RAP1GDS1: variants seen among roughly 807,000 people sequenced by gnomAD.
RAP1GDS1 encodes the protein Rap1 GTPase-GDP dissociation stimulator 1, also known as RAP1, GTP-GDP dissociation stimulator 1.
RAP1GDS1 carries 35 observed loss-of-function variants against 71.1 expected under a neutral mutation model. The observed-to-expected ratio is 0.49, with a 90% CI of 0.38 to 0.65. The LOEUF is 0.65. Among genes scored for constraint, RAP1GDS1 ranks in the 30% least tolerant of loss-of-function variants. RAP1GDS1 has a pLI of 0.00. For missense variants in RAP1GDS1, 663 were observed against 706.1 expected (o/e 0.94, Z 0.69); for synonymous variants, 229 against 243.1 (o/e 0.94, Z 0.54).
intron 13 of RAP1GDS1, among the ~76,000 whole-genome samples, chr4:98,436,469 T>G (rs1751150692): frequency 6.6e-6 from 1 of 152,184 alleles, no homozygotes; most frequent in Non-Finnish European, 1.5e-5. Flanking sequence ...CTACAGAAAA[T>G]CTTGCTAGGA....
At chr4:98,365,822 GCTCT>G (rs1246367302) in intron 4 of RAP1GDS1, among the ~76,000 whole-genome samples, 2 of 152,094 alleles carry the variant, frequency 1.3e-5, no homozygotes, top group African/African-American at 4.8e-5. Context: ...CAGTTTAGTA[GCTCT>G]CTAACAAAAT....
intron 2 of RAP1GDS1, among the ~76,000 whole-genome samples, chr4:98,330,296 G>A (rs543143697): frequency 9.5e-4 from 144 of 152,276 alleles, no homozygotes; most frequent in African/African-American, 3.3e-3. Context: ...CGACAAAACC[G>A]GTATCGTCAT....
At chr4:98,300,064 G>T (rs960902087) in intron 2 of RAP1GDS1, among the ~76,000 whole-genome samples, 1 of 152,170 alleles carries the variant, frequency 6.6e-6, no homozygotes, top group African/African-American at 2.4e-5. Context: ...TTTTAAAGAA[G>T]TTCTATAGGT....
At chr4:98,417,538 A>G (rs370876930) in intron 9 of RAP1GDS1, 40 bp downstream of exon 9, 11 of 1,583,674 alleles carry the variant, frequency 6.9e-6, no homozygotes, top group South Asian at 3.4e-5. Context: ...CAAATACTCT[A>G]TATTTGTTTA....
chr4:98,290,980 G>A (rs1280917683), intron 1 of RAP1GDS1, among the ~76,000 whole-genome samples: 1 of 152,110 alleles, frequency 6.6e-6, no homozygotes, highest in Non-Finnish European at 1.5e-5. Flanking sequence ...ATCTATTGAA[G>A]AAGACCAAAA....
intron 4 of RAP1GDS1, among the ~76,000 whole-genome samples, chr4:98,377,335 T>C (rs539055576): frequency 6.6e-6 from 1 of 151,924 alleles, no homozygotes; most frequent in African/African-American, 2.4e-5. Context: ...ACATAGAAAT[T>C]GCCCAGTAAT....
intron 2 of RAP1GDS1, among the ~76,000 whole-genome samples, chr4:98,304,212 A>G (rs1460388203): frequency 6.6e-6 from 1 of 152,220 alleles, no homozygotes; most frequent in Non-Finnish European, 1.5e-5. Context: ...GTATATACCC[A>G]GTAATGGGAT....
chr4:98,335,668 CTATA>C (rs1265952460), intron 2 of RAP1GDS1, among the ~76,000 whole-genome samples: 2 of 151,470 alleles, frequency 1.3e-5, no homozygotes. Context: ...TTATTAATGA[CTATA>C]TAATGTTCTT....
At chr4:98,327,790 C>A (rs923097732) in intron 2 of RAP1GDS1, among the ~76,000 whole-genome samples, 3 of 152,130 alleles carry the variant, frequency 2.0e-5, no homozygotes, top group Non-Finnish European at 4.4e-5. Flanking sequence ...ATTTGAGCAA[C>A]AAGGGAGATT....
intron 7 of RAP1GDS1, among the ~76,000 whole-genome samples, chr4:98,416,011 G>A (rs1747924513): frequency 6.6e-6 from 1 of 152,048 alleles, no homozygotes; most frequent in African/African-American, 2.4e-5. Context: ...TGAACTCCTG[G>A]CCTCAAGCAA....
intron 13 of RAP1GDS1, among the ~76,000 whole-genome samples, chr4:98,436,070 CAAA>C (rs201715514): frequency 2.8e-5 from 4 of 142,270 alleles, no homozygotes; most frequent in East Asian, 2.0e-4. Context: ...GACGCTGTCT[CAAA>C]AAAAAAATAT....
chr4:98,426,208 G>A (rs548672251), intron 12 of RAP1GDS1, among the ~76,000 whole-genome samples: 15 of 152,046 alleles, frequency 9.9e-5, no homozygotes, highest in Non-Finnish European at 2.1e-4. Flanking sequence ...CAATACCTCT[G>A]GGATACAACA....
At chr4:98,422,243 A>C (rs979169719) in intron 12 of RAP1GDS1, among the ~76,000 whole-genome samples, 1 of 152,002 alleles carries the variant, frequency 6.6e-6, no homozygotes, top group Admixed American at 6.5e-5. Flanking sequence ...TTTGAGACTG[A>C]GTCTTGCTCT....
chr4:98,277,800 A>G (rs1724449644), intron 1 of RAP1GDS1, among the ~76,000 whole-genome samples: 1 of 152,246 alleles, frequency 6.6e-6, no homozygotes, highest in Non-Finnish European at 1.5e-5. Flanking sequence ...AGTATCCTAT[A>G]GTGATAATAG....
At chr4:98,305,299 A>G (rs1025803484) in intron 2 of RAP1GDS1, among the ~76,000 whole-genome samples, 1 of 152,134 alleles carries the variant, frequency 6.6e-6, no homozygotes, top group African/African-American at 2.4e-5. Flanking sequence ...CTTCCTATCC[A>G]TGAGCATGCA....
intron 4 of RAP1GDS1, among the ~76,000 whole-genome samples, chr4:98,360,572 C>T (rs902736415): frequency 1.3e-5 from 2 of 152,048 alleles, no homozygotes; most frequent in African/African-American, 4.8e-5. Context: ...ATAAGATTTC[C>T]AGTCTGCTTA....
intron 1 of RAP1GDS1, among the ~76,000 whole-genome samples, chr4:98,283,448 A>G (rs1230256141): frequency 7.2e-5 from 11 of 152,158 alleles, no homozygotes; most frequent in Non-Finnish European, 1.0e-4. Context: ...AGACTACCAT[A>G]TTAGGCATTA....
At chr4:98,395,136 TTA>T (rs1744324445) in intron 6 of RAP1GDS1, among the ~76,000 whole-genome samples, 1 of 152,172 alleles carries the variant, frequency 6.6e-6, no homozygotes, top group African/African-American at 2.4e-5. Context: ...TACATTCTTT[TTA>T]AAAGAGAACT....
chr4:98,349,911 C>G (rs1156833934), intron 3 of RAP1GDS1, among the ~76,000 whole-genome samples: 5 of 151,890 alleles, frequency 3.3e-5, no homozygotes, highest in African/African-American at 1.2e-4. Context: ...GACTACCACT[C>G]TTTGTTTAAA....
Sources: gnomAD v4.1 joint callset for allele counts (sites outside exome capture counted in the v4.1 genomes callset) on GRCh38, gnomAD v4.1.1 for gene constraint, MANE v1.5 for transcripts, NCBI Gene and HGNC (gene_info 2026-07-23, HGNC 2026-07-21) for gene names.